Variants in PLD3 observed in about 807,000 individuals in gnomAD.
PLD3 encodes phospholipase D family member 3.
In PLD3, 31 loss-of-function variants were observed where a neutral mutation model predicts 58.4. The ratio of observed to expected loss-of-function variants is 0.53; its 90% confidence interval spans 0.40 to 0.72. The LOEUF (loss-of-function observed/expected upper bound fraction) is 0.72. Ranked by LOEUF, PLD3 falls within the 30% of genes least tolerant of loss-of-function variation. PLD3 has a pLI of 0.00. For synonymous variants in PLD3, 264 were observed against 273.4 expected (o/e 0.97, Z 0.34); for missense variants, 595 against 659.8 (o/e 0.90, Z 1.08).
At position 40,378,113 on chromosome 19, in the gene PLD3, T is replaced by C; in HGVS notation, c.1413T>C (p.Pro471=). 1 of 1,613,960 alleles carries C rather than the reference T, an allele frequency of 6.2e-7. No homozygotes were observed. The highest frequency in any genetic ancestry group is 1.1e-5 in the South Asian group (1 of 91,086). Residue 471 remains proline, a synonymous_variant, in exon 13 of 13, where the codon CCT becomes CCC. Transcript: ENST00000409735. ...EAIFLRDWDS[P]YSHDLDTSAD... ...TTTTCCTGAGGGACTGGGACTCCCC[T>C]TACAGCCATGACCTTGACACCTCAG...
intron 1 of PLD3, among the ~76,000 whole-genome samples, chr19:40,351,490 A>G (rs1203951459): frequency 6.6e-6 from 1 of 152,126 alleles, no homozygotes; most frequent in Non-Finnish European, 1.5e-5. Flanking sequence ...GGTTGCAGTG[A>G]ACTGAGATTG....
intron 1 of PLD3, among the ~76,000 whole-genome samples, chr19:40,364,566 C>T (rs945814872): frequency 5.3e-5 from 8 of 151,584 alleles, no homozygotes; most frequent in East Asian, 1.9e-4. Context: ...CCTAGACGGG[C>T]GGATCACGAG....
intron 1 of PLD3, chr19:40,358,266 TTTTG>T (rs2078699159): frequency 1.9e-5 from 3 of 154,612 alleles, no homozygotes; most frequent in Admixed American, 6.5e-5. Flanking sequence ...CCAATTATCT[TTTTG>T]TTTGTTTGTT....
rs2078901965 is a variant in PLD3 at position 40,365,746 on chromosome 19, G to C, written c.-250G>C. The C allele has an allele frequency of 6.6e-6, 1 of 152,654 alleles. No individual in the cohort carries two copies. Among genetic ancestry groups the C allele is most frequent in the Non-Finnish European group, 1.5e-5 (1 of 68,374 alleles). The allele number at this position is 152,654 out of a possible 1,614,324, so 9.5% of individuals were successfully genotyped here. A position where few individuals can be genotyped will look rare whatever the true frequency, so the allele number is the denominator to read the frequency against. On this transcript the variant is annotated 5_prime_UTR_variant, in exon 2 of 13. Coordinates refer to ENST00000409735, the MANE Select transcript of PLD3 (RefSeq NM_012268.4). Reference sequence around the variant, plus strand: ...GGAGCGACCGTGTCTGGGGAGCCGAGCCCCGCTTCTCGCTGCGGTGAGCCC... The same window carrying C: ...GGAGCGACCGTGTCTGGGGAGCCGACCCCCGCTTCTCGCTGCGGTGAGCCC...
chr19:40,356,975 A>G (rs918321469), intron 1 of PLD3: 1 of 152,072 alleles, frequency 6.6e-6, no homozygotes, highest in Non-Finnish European at 1.5e-5. Flanking sequence ...GACCTATTTA[A>G]TTGTTTTTCA....
chr19:40,370,511 A>C, intron 8 of PLD3: 1 of 150,624 alleles, frequency 6.6e-6, no homozygotes, highest in South Asian at 1.9e-4. Flanking sequence ...CATCTCTACC[A>C]AAAAAAAAAA....
At chr19:40,360,460 T>C (rs762357967) in intron 1 of PLD3, 5 of 151,612 alleles carry the variant, frequency 3.3e-5, no homozygotes, top group Non-Finnish European at 7.4e-5. Context: ...CACAACAGAA[T>C]GTATGGCCAG....
At chr19:40,366,134 T>G in intron 2 of PLD3, 1 of 390,648 alleles carries the variant, frequency 2.6e-6, no homozygotes, top group South Asian at 2.6e-5. Flanking sequence ...TCTTGGGGTG[T>G]CTACAGGTTG....
chr19:40,350,097 T>C (rs1246449670), intron 1 of PLD3, among the ~76,000 whole-genome samples: 7 of 139,190 alleles, frequency 5.0e-5, no homozygotes, highest in African/African-American at 5.4e-5. Context: ...CCCATCTCTA[T>C]TAAAAATACA....
At chr19:40,355,168 C>T (rs1179267160) in intron 1 of PLD3, among the ~76,000 whole-genome samples, 1 of 152,048 alleles carries the variant, frequency 6.6e-6, no homozygotes, top group Non-Finnish European at 1.5e-5. Context: ...GGGACATAAG[C>T]CTTTGGCAGT....
intron 1 of PLD3, among the ~76,000 whole-genome samples, chr19:40,365,309 A>G (rs1216576601): frequency 1.3e-5 from 2 of 152,198 alleles, no homozygotes; most frequent in Non-Finnish European, 2.9e-5. Flanking sequence ...ATCGGAAAAT[A>G]AATTTTTTTA....
intron 1 of PLD3, among the ~76,000 whole-genome samples, chr19:40,355,314 GT>G (rs1363626984): frequency 2.8e-5 from 4 of 141,824 alleles, no homozygotes; most frequent in Admixed American, 7.0e-5. Context: ...TTTTTTTTTT[GT>G]TTTTTGTTTT....
intron 8 of PLD3, 164 bp downstream of exon 8, chr19:40,370,401 G>A (rs914223607): frequency 7.0e-6 from 5 of 715,644 alleles, no homozygotes; most frequent in Non-Finnish European, 1.1e-5. Flanking sequence ...AGCCATGCAC[G>A]GTGGCTCACA....
chr19:40,374,629 G>A lies in PLD3; in HGVS notation c.1019+9G>A. On this transcript the variant is annotated intron_variant, in intron 10 of 12. Transcript: ENST00000409735. ...TTCTCCCACCCTCACAGGTACTGCT[G>A]GGTGTGGAGATAGGGAGCCGCTGCA... is the stretch of plus-strand genomic sequence containing the variant. 1.2e-6 allele frequency: 2 copies of A among 1,613,908 alleles called. No homozygotes were observed. Among genetic ancestry groups the A allele is most frequent in the East Asian group, 2.2e-5 (1 of 44,882 alleles).
chr19:40,367,605 T>C, intron 5 of PLD3, 91 bp from the exon 6 acceptor site: 1 of 1,085,636 alleles, frequency 9.2e-7, no homozygotes, highest in Non-Finnish European at 1.3e-6. Context: ...ATACAGTCTA[T>C]CCAACACACC....
Position 40,371,749 on chromosome 19 carries a change from G to T in PLD3, c.755G>T (p.Trp252Leu). Residue 252 changes from tryptophan (W) to leucine (L), a missense_variant, in exon 9 of 13, where the codon TGG (tryptophan) becomes TTG (leucine). Physicochemically the swap from Trp to Leu is moderately conservative, Grantham distance 61 (BLOSUM62 -2). Transcript: ENST00000409735. ...RDLTKIFEAYWFLGQAGSSIP... is the reference protein window; with the variant it reads ...RDLTKIFEAYLFLGQAGSSIP... ...CTGACCAAGATCTTTGAGGCCTACTGGTTCCTGGGCCAGGCAGGCAGCTCC... is the reference window on the plus strand; with the variant it reads ...CTGACCAAGATCTTTGAGGCCTACTTGTTCCTGGGCCAGGCAGGCAGCTCC... 1 of 1,613,936 alleles carries T rather than the reference G, an allele frequency of 6.2e-7. No homozygotes were observed. The highest frequency in any genetic ancestry group is 8.5e-7 in the Non-Finnish European group (1 of 1,179,902).
At chr19:40,353,214 G>A (rs1167231789) in intron 1 of PLD3, among the ~76,000 whole-genome samples, 9 of 152,144 alleles carry the variant, frequency 5.9e-5, no homozygotes, top group Non-Finnish European at 8.8e-5. Context: ...CAGATCACTC[G>A]AGGTCAGGAG....
chr19:40,352,540 T>C (rs535111072), intron 1 of PLD3, among the ~76,000 whole-genome samples: 3 of 152,248 alleles, frequency 2.0e-5, no homozygotes, highest in Admixed American at 1.3e-4. Context: ...GCTTACCACA[T>C]ATCCTATTTC....
At chr19:40,353,942 T>G (rs1236767126) in intron 1 of PLD3, among the ~76,000 whole-genome samples, 2 of 152,114 alleles carry the variant, frequency 1.3e-5, no homozygotes, top group Non-Finnish European at 2.9e-5. Flanking sequence ...TCACCCAGGC[T>G]GGAGTGCAGT....
Sources: allele counts gnomAD v4.1 joint callset (sites outside exome capture counted in the v4.1 genomes callset), GRCh38; gene constraint gnomAD v4.1.1; transcripts MANE v1.5; gene names NCBI Gene and HGNC (gene_info 2026-07-23, HGNC 2026-07-21).